ACSF2: variants seen among roughly 807,000 people sequenced by gnomAD.
ACSF2 encodes the protein medium-chain acyl-CoA ligase ACSF2, mitochondrial.
A neutral mutation model predicts 79.3 loss-of-function variants in ACSF2; 52 were observed. The ratio of observed to expected loss-of-function variants is 0.66; its 90% CI spans 0.53 to 0.83. The LOEUF (loss-of-function observed/expected upper bound fraction) is 0.83, where lower values mean the gene tolerates loss of function less well. ACSF2 is among the 40% of genes least tolerant of loss of function. The pLI is 0.00. For synonymous variants in ACSF2, 283 were observed against 312.6 expected (o/e 0.91, Z 1.00); for missense variants, 661 against 803.3 (o/e 0.82, Z 2.14).
intron 1 of ACSF2, among the ~76,000 whole-genome samples, chr17:50,434,344 A>G (rs2030208431): frequency 6.6e-5 from 10 of 151,856 alleles, no homozygotes. Context: ...TAATAACAAA[A>G]CAAGATGCTG....
intron 1 of ACSF2, among the ~76,000 whole-genome samples, chr17:50,444,470 A>T (rs2031158462): frequency 6.6e-6 from 1 of 152,096 alleles, no homozygotes; most frequent in Admixed American, 6.6e-5. Flanking sequence ...CAGGAGAATC[A>T]TTTGAACCAG....
chr17:50,440,387 G>C (rs2030805111), intron 1 of ACSF2, among the ~76,000 whole-genome samples: 1 of 152,112 alleles, frequency 6.6e-6, no homozygotes, highest in East Asian at 1.9e-4. Context: ...CCCCGACAGG[G>C]GCAGGGTCCA....
Position 50,472,527 on chromosome 17 carries a change from G to A in ACSF2, c.1423G>A (p.Glu475Lys). Residue 475 changes from glutamate to lysine, a missense_variant, in exon 12 of 16, where the codon GAG (glutamate) becomes AAG (lysine). Transcript: ENST00000300441. ...GYCVMLGYWG[E>K]PQKTEEAVDQ... ...CTGCGTCATGCTGGGCTACTGGGGT[G>A]AGCCTCAGAAGACAGAGGAAGCAGT... is the stretch of plus-strand genomic sequence containing the variant. The A allele has an allele frequency of 6.2e-7, 1 of 1,612,580 alleles. No homozygotes were observed. Among genetic ancestry groups the A allele is most frequent in the Non-Finnish European group, 8.5e-7 (1 of 1,179,352 alleles).
chr17:50,460,431 A>C, intron 1 of ACSF2: 1 of 539,840 alleles, frequency 1.9e-6, no homozygotes, highest in East Asian at 3.3e-5. Context: ...CTTTCCCGGG[A>C]AGGCGAAGGA....
intron 1 of ACSF2, 75 bp from the exon 2 acceptor site, chr17:50,460,602 G>T: frequency 7.1e-7 from 1 of 1,409,866 alleles, no homozygotes; most frequent in South Asian, 1.3e-5. Context: ...CCCCTGGCTT[G>T]GCTGGGTGTG....
chr17:50,459,159 C>A (rs1003045481), intron 1 of ACSF2, among the ~76,000 whole-genome samples: 1 of 152,202 alleles, frequency 6.6e-6, no homozygotes, highest in Non-Finnish European at 1.5e-5. Context: ...ACGTCATGGC[C>A]CTGCTATGGA....
In ACSF2 at chr17:50,468,494, G is replaced by C. The variant is rs1306909597; in HGVS notation, c.1216-2534G>C. The C allele has an allele frequency of 2.5e-6, 4 of 1,614,144 alleles. No individual in the cohort carries two copies. The African/African-American group carries it at 4.0e-5, about 16-fold the overall frequency. ...GCGCAGCACGCGGATGTCGTTATGG[G>C]ACAGGTACAAGTAGATAAGTTGCTT... is the stretch of plus-strand genomic sequence containing the variant. On this transcript the variant is annotated intron_variant, in intron 10 of 15. Coordinates refer to ENST00000300441, the MANE Select transcript of ACSF2 (RefSeq NM_025149.6).
intron 1 of ACSF2, among the ~76,000 whole-genome samples, chr17:50,443,241 G>A (rs1424557627): frequency 6.6e-6 from 1 of 152,030 alleles, no homozygotes; most frequent in Admixed American, 6.6e-5. Context: ...TGTTGTTGTT[G>A]TTTTTTAGAA....
At chr17:50,453,612 T>TTATCAA (rs2031808973) in intron 1 of ACSF2, among the ~76,000 whole-genome samples, 1 of 152,250 alleles carries the variant, frequency 6.6e-6, no homozygotes, top group Admixed American at 6.5e-5. Context: ...GTCTTGACTA[T>TTATCAA]TATCAATATC....
intron 1 of ACSF2, among the ~76,000 whole-genome samples, chr17:50,456,983 T>C (rs2032051007): frequency 6.6e-6 from 1 of 151,952 alleles, no homozygotes; most frequent in Admixed American, 6.6e-5. Flanking sequence ...GAGGATTGCT[T>C]GAGTTTGGGA....
intron 10 of ACSF2, among the ~76,000 whole-genome samples, chr17:50,466,097 T>G (rs1189620739): frequency 6.8e-6 from 1 of 147,840 alleles, no homozygotes; most frequent in Non-Finnish European, 1.5e-5. Context: ...TTTCCTTTTT[T>G]TTTTTTTGAG....
At chr17:50,430,646 C>G (rs1598385832) in intron 1 of ACSF2, among the ~76,000 whole-genome samples, 1 of 152,230 alleles carries the variant, frequency 6.6e-6, no homozygotes, top group Middle Eastern at 3.4e-3. Flanking sequence ...ACCTGGGCGA[C>G]AGAGCGAGAC....
At position 50,470,724 on chromosome 17, in the gene ACSF2, C is replaced by A. The variant is rs185973550; in HGVS notation, c.1216-304C>A. On this transcript the variant is annotated intron_variant, in intron 10 of 15. Transcript: ENST00000300441. Reference sequence around the variant, plus strand: ...TGGGGTGTTGGTAATACCGGAGCCACAGGCACAGACAGGTGGCTGCTCCAG... The same window carrying A: ...TGGGGTGTTGGTAATACCGGAGCCAAAGGCACAGACAGGTGGCTGCTCCAG... Among the ~76,000 whole-genome samples, 313 of 152,168 alleles carry A rather than the reference C, an allele frequency of 2.1e-3. 3 individuals carry two copies. The highest frequency in any genetic ancestry group is 7.1e-3 in the African/African-American group (294 of 41,528).
At chr17:50,462,331 G>A (rs940037000) in intron 5 of ACSF2, 29 bp downstream of exon 5, 1 of 1,612,248 alleles carries the variant, frequency 6.2e-7, no homozygotes, top group Non-Finnish European at 8.5e-7. Context: ...AGTGGGTGGT[G>A]CATCATTCAG....
At chr17:50,470,912 G>C (rs1305015388) in intron 10 of ACSF2, 116 bp from the exon 11 acceptor site, 2 of 760,994 alleles carry the variant, frequency 2.6e-6, no homozygotes, top group Non-Finnish European at 4.5e-6. Context: ...TCCACCATTC[G>C]GCTGCCCTCC....
chr17:50,431,517 T>C lies in ACSF2; in HGVS notation c.128+5128T>C, dbSNP rs1298414018. On this transcript the variant is annotated intron_variant, in intron 1 of 15. Coordinates refer to ENST00000300441, the MANE Select transcript of ACSF2 (RefSeq NM_025149.6). ...GCAGTTTGAAGCCTTTGTACTTCCGTGAAATCTCACTTGTGCTTCAATCGT... is the reference window on the plus strand; with the variant it reads ...GCAGTTTGAAGCCTTTGTACTTCCGCGAAATCTCACTTGTGCTTCAATCGT... Among the ~76,000 whole-genome samples, 20 of 152,198 alleles carry C rather than the reference T, an allele frequency of 1.3e-4. 1 individual carries two copies. Among genetic ancestry groups the C allele is most frequent in the Admixed American group, 1.2e-3 (19 of 15,272 alleles).
At chr17:50,455,421 A>G (rs1450433845) in intron 1 of ACSF2, among the ~76,000 whole-genome samples, 4 of 152,152 alleles carry the variant, frequency 2.6e-5, no homozygotes. Context: ...GGGGATAGGA[A>G]GTAGAGAGAG....
intron 1 of ACSF2, chr17:50,426,871 G>A: frequency 6.5e-7 from 1 of 1,533,370 alleles, no homozygotes; most frequent in Non-Finnish European, 8.7e-7. Context: ...ATTCTTTGCT[G>A]CCTACTCCTG....
chr17:50,435,339 GT>G (rs1483551358), intron 1 of ACSF2, among the ~76,000 whole-genome samples: 2 of 148,534 alleles, frequency 1.3e-5, no homozygotes, highest in Non-Finnish European at 3.0e-5. Flanking sequence ...GCTTACAAAT[GT>G]TTTTCCCCAC....
Sources: gnomAD v4.1 joint callset for allele counts (sites outside exome capture counted in the v4.1 genomes callset) on GRCh38, gnomAD v4.1.1 for gene constraint, MANE v1.5 for transcripts, NCBI Gene and HGNC (gene_info 2026-07-23, HGNC 2026-07-21) for gene names.